KRT8: variants seen among roughly 807,000 people sequenced by gnomAD.
KRT8 encodes the protein keratin, type II cytoskeletal 8.
Under a neutral mutation model 43.0 loss-of-function variants are expected in KRT8, and 24 were observed. That is an observed-to-expected ratio of 0.56 (90% CI 0.40 to 0.78). The LOEUF (loss-of-function observed/expected upper bound fraction) is 0.78, where lower values mean the gene tolerates loss of function less well. Ranked by LOEUF, KRT8 falls within the 30% of genes least tolerant of loss-of-function variation. KRT8 has a pLI of 0.00. For missense variants in KRT8, 492 were observed against 638.4 expected, an observed-to-expected ratio of 0.77 and a Z score of 2.47; for synonymous variants, 214 against 261.2, an observed-to-expected ratio of 0.82 and a Z score of 1.74.
exon 8 of KRT8, chr12:52,897,427 T>C: frequency 6.3e-7 from 1 of 1,598,834 alleles, no homozygotes; most frequent in African/African-American, 1.3e-5. Context: ...GCCGCAGCTG[T>C]TCACTTGGGC....
At chr12:52,915,234 G>A (rs1379861437) in intron 2 of KRT8, among the ~76,000 whole-genome samples, 1 of 151,894 alleles carries the variant, frequency 6.6e-6, no homozygotes, top group Non-Finnish European at 1.5e-5. Flanking sequence ...TTAGCCGGGC[G>A]AGGTGGCGGG....
chr12:52,906,125 A>G (rs1195595435), upstream of KRT8, among the ~76,000 whole-genome samples: 2 of 152,160 alleles, frequency 1.3e-5, no homozygotes, highest in East Asian at 1.9e-4. Flanking sequence ...TTTCCTGAAC[A>G]TAACCCAGGG....
intron 2 of KRT8, among the ~76,000 whole-genome samples, chr12:52,918,221 A>AAGAAGAAGAAGAAGG (rs1565725810): frequency 1.5e-5 from 2 of 135,694 alleles, no homozygotes; most frequent in South Asian, 2.3e-4. Flanking sequence ...GAAGAAGAAG[A>AAGAAGAAGAAGAAGG]AGAAGAAGAA....
chr12:52,929,894 G>C (rs1359907758), intron 2 of KRT8, among the ~76,000 whole-genome samples: 1 of 152,052 alleles, frequency 6.6e-6, no homozygotes, highest in Non-Finnish European at 1.5e-5. Context: ...TCTAATTGCT[G>C]CCTGGATGTC....
At chr12:52,906,937 C>T (rs1941533181), upstream of KRT8, 15 of 360,756 alleles carry the variant, frequency 4.2e-5, no homozygotes, top group South Asian at 2.9e-4. Flanking sequence ...GGAGGACAGA[C>T]AAACTTAAAA....
Position 52,918,073 on chromosome 12 carries a change from A to ACAG in KRT8, c.-46-13047_-46-13046insCTG, listed in dbSNP as rs1555188287. ...AAGAGGAAGAAGAAGGAGAAGAAGAAGAGGAGGAGGAGGAGAAGAAGAAGA... is the reference window on the plus strand; with the variant it reads ...AAGAGGAAGAAGAAGGAGAAGAAGAACAGGAGGAGGAGGAGGAGAAGAAGAAGA... On this transcript the variant is annotated intron_variant, in intron 2 of 6. Transcript: ENST00000546826. 9.3e-4 allele frequency among the ~76,000 whole-genome samples: 39 copies of ACAG among 41,920 alleles called. 1 individual carries two copies. The highest frequency in any genetic ancestry group is 1.5e-3 in the Non-Finnish European group (36 of 23,282). The allele number at this position is 41,920 out of a possible 152,430, so 27.5% of individuals were successfully genotyped here.
At chr12:52,912,266 A>G (rs1037864092) in intron 2 of KRT8, among the ~76,000 whole-genome samples, 1 of 152,092 alleles carries the variant, frequency 6.6e-6, no homozygotes, top group African/African-American at 2.4e-5. Flanking sequence ...CAGAGGGGAG[A>G]TTCCTTACTG....
rs1565725387 is a variant in KRT8 at position 52,918,092 on chromosome 12, AAGAAGAG to A, written c.-46-13072_-46-13066del. Among the ~76,000 whole-genome samples the A allele has an allele frequency of 4.6e-4, 62 of 134,604 alleles. 2 individuals carry two copies. Among genetic ancestry groups the A allele is most frequent in the African/African-American group, 1.9e-3 (62 of 33,496 alleles). 88.3% of individuals were successfully genotyped at this position (134,604 alleles called of 152,430 possible). A position where few individuals can be genotyped will look rare whatever the true frequency, so the allele number is the denominator to read the frequency against. ...AGAAGAAGAGGAGGAGGAGGAGAAG[AAGAAGAG>A]GAAGAAGAAGAAGAAGAAGAGGAAG... On this transcript the variant is annotated intron_variant, in intron 2 of 6. Coordinates refer to the KRT8 transcript ENST00000546826.
chr12:52,897,301 T>A (rs1941231347), exon 8 of KRT8: 1 of 895,544 alleles, frequency 1.1e-6, no homozygotes, highest in East Asian at 2.5e-5. Flanking sequence ...ACTCCCCAGG[T>A]GGGCTGAGGG....
intron 2 of KRT8, among the ~76,000 whole-genome samples, chr12:52,920,324 A>G (rs1565726599): frequency 6.6e-6 from 1 of 151,598 alleles, no homozygotes; most frequent in Non-Finnish European, 1.5e-5. Flanking sequence ...CAGCCCAGGC[A>G]CGGTGGCTCA....
At chr12:52,909,679 G>A (rs189258010), upstream of KRT8, among the ~76,000 whole-genome samples, 339 of 152,258 alleles carry the variant, frequency 2.2e-3, 1 homozygote, top group Admixed American at 7.8e-3. Context: ...TCAGTGGGAG[G>A]GGGTTCTCAC....
At chr12:52,938,170 A>ATATATATATATATTTTT (rs1555189967) in intron 2 of KRT8, among the ~76,000 whole-genome samples, 1 of 30,322 alleles carries the variant, frequency 3.3e-5, no homozygotes, top group Non-Finnish European at 5.9e-5. Flanking sequence ...ATATATATAT[A>ATATATATATATATTTTT]TTTTTTTTTT....
chr12:52,938,909 G>A (rs143174568), intron 2 of KRT8, among the ~76,000 whole-genome samples: 53 of 152,026 alleles, frequency 3.5e-4, no homozygotes, highest in African/African-American at 1.2e-3. Flanking sequence ...GAGCCACCGC[G>A]CCTGGCCTAC....
intron 2 of KRT8, chr12:52,947,964 G>C (rs1023656019): frequency 6.6e-6 from 1 of 152,116 alleles, no homozygotes; most frequent in African/African-American, 2.4e-5. Flanking sequence ...ATGCATACTG[G>C]TTGAATTGTA....
chr12:52,898,493 C>T, exon 7 of KRT8: 1 of 1,614,096 alleles, frequency 6.2e-7, no homozygotes, highest in Non-Finnish European at 8.5e-7. Context: ...CGTATGAATA[C>T]TCATGTTCTG....
intron 2 of KRT8, among the ~76,000 whole-genome samples, chr12:52,941,707 C>T (rs770339487): frequency 3.1e-4 from 47 of 152,020 alleles, no homozygotes; most frequent in Non-Finnish European, 4.9e-4. Context: ...AGGCTGGTCT[C>T]GAACTCCCAA....
chr12:52,898,407 A>G, intron 7 of KRT8, 54 bp downstream of exon 7: 1 of 1,500,450 alleles, frequency 6.7e-7, no homozygotes, highest in Non-Finnish European at 9.2e-7. Context: ...CCTGGAGCTG[A>G]GGCCTCCCTG....
At chr12:52,919,983 A>G (rs1339547348) in intron 2 of KRT8, among the ~76,000 whole-genome samples, 1 of 152,160 alleles carries the variant, frequency 6.6e-6, no homozygotes. Context: ...GGAAGGTAAC[A>G]TTGTTCTCAT....
chr12:52,900,555 G>C, intron 4 of KRT8, 33 bp downstream of exon 4: 1 of 1,417,932 alleles, frequency 7.1e-7, no homozygotes, highest in Non-Finnish European at 1.0e-6. Flanking sequence ...ACAAGGCTGG[G>C]GGACCCTCAC....
Sources: allele counts gnomAD v4.1 joint callset (sites outside exome capture counted in the v4.1 genomes callset), GRCh38; gene constraint gnomAD v4.1.1; transcripts MANE v1.5; gene names NCBI Gene and HGNC (gene_info 2026-07-23, HGNC 2026-07-21).